FAM199X: variants seen among roughly 807,000 people sequenced by gnomAD.
FAM199X encodes the protein family with sequence similarity 199, X-linked.
A neutral mutation model predicts 22.9 loss-of-function variants in FAM199X; 4 were observed. That is an observed-to-expected ratio of 0.17 (90% confidence interval 0.09 to 0.40). FAM199X has a LOEUF of 0.40. FAM199X is among the 10% of genes least tolerant of loss of function. FAM199X has a pLI of 1.00. For missense variants in FAM199X, 183 were observed against 306.8 expected (o/e 0.60, Z 3.01); for synonymous variants, 101 against 112.3 (o/e 0.90, Z 0.64).
intron 2 of FAM199X, among the ~76,000 whole-genome samples, chrX:104,181,991 C>CTTTTTTTTTTTTTTTT (rs1210118235): frequency 8.5e-5 from 8 of 94,669 alleles, no homozygotes; most frequent in Non-Finnish European, 8.5e-5. Flanking sequence ...TCTTTTTTTT[C>CTTTTTTTTTTTTTTTT]TTTTTTTTTT....
chrX:104,171,171 G>A (rs1223708509), intron 1 of FAM199X, among the ~76,000 whole-genome samples: 1 of 111,093 alleles, frequency 9.0e-6, no homozygotes, highest in Non-Finnish European at 1.9e-5. Context: ...TAATTTTAAC[G>A]TTTAAATGGC....
At chrX:104,179,976 CTTTTTTT>C (rs1162038054) in intron 2 of FAM199X, among the ~76,000 whole-genome samples, 2 of 86,151 alleles carry the variant, frequency 2.3e-5, no homozygotes, top group African/African-American at 4.4e-5. Flanking sequence ...TGAATTTTTC[CTTTTTTT>C]TTTTTTTTTT....
upstream of FAM199X, among the ~76,000 whole-genome samples, chrX:104,165,889 A>G (rs1833259408): frequency 9.0e-6 from 1 of 111,403 alleles, no homozygotes; most frequent in Admixed American, 9.5e-5. Flanking sequence ...AAGGATTAGC[A>G]GGGGAGAAAT....
chrX:104,179,667 C>T (rs1044682799), intron 2 of FAM199X, among the ~76,000 whole-genome samples: 1 of 111,538 alleles, frequency 9.0e-6, no homozygotes, highest in African/African-American at 3.3e-5. Context: ...GCTAGATCTC[C>T]TGTACAGTGT....
chrX:104,183,245 G>A (rs1385738306), intron 2 of FAM199X, among the ~76,000 whole-genome samples: 1 of 109,493 alleles, frequency 9.1e-6, no homozygotes, highest in Non-Finnish European at 1.9e-5. Flanking sequence ...CTGATAAGAA[G>A]TATCTCTTTT....
chrX:104,159,871 A>T, the FAM199X span, among the ~76,000 whole-genome samples: 1 of 112,359 alleles, frequency 8.9e-6, no homozygotes. Flanking sequence ...TGATGAGAGT[A>T]CAAGGGTACC....
At chrX:104,169,937 A>G in intron 1 of FAM199X, among the ~76,000 whole-genome samples, 1 of 112,225 alleles carries the variant, frequency 8.9e-6, no homozygotes, top group Non-Finnish European at 1.9e-5. Context: ...TAGAAAATAC[A>G]TTACATGGAC....
chrX:104,183,470 CTTTTGTTTTTT>C (rs1332054697), intron 2 of FAM199X, among the ~76,000 whole-genome samples: 5 of 109,216 alleles, frequency 4.6e-5, no homozygotes, highest in African/African-American at 1.7e-4. Context: ...GTTTTGTTTT[CTTTTGTTTTTT>C]TTTTTGAGAT....
intron 2 of FAM199X, among the ~76,000 whole-genome samples, chrX:104,183,877 T>C (rs1921727764): frequency 8.9e-6 from 1 of 112,244 alleles, no homozygotes; most frequent in South Asian, 3.7e-4. Flanking sequence ...TAGCTACTTA[T>C]GGGGGTGTAG....
chrX:104,162,749 C>T (rs782538684), upstream of FAM199X, among the ~76,000 whole-genome samples: 1 of 112,084 alleles, frequency 8.9e-6, no homozygotes, highest in Non-Finnish European at 1.9e-5. Context: ...CTAATTCTTA[C>T]ATCTTTCACA....
rs1369727467 is a variant in FAM199X at position 104,195,125 on chromosome X, A to G, written c.*5347A>G. ...TGTATGGTTGTAATTAAAACTGGCA[A>G]TGTGGCAGAGCTGTCTTTTGAAACT... On this transcript the variant is annotated 3_prime_UTR_variant, in exon 6 of 6. Coordinates refer to ENST00000493442, the MANE Select transcript of FAM199X (RefSeq NM_207318.4). 3 of 110,497 alleles carry G rather than the reference A, an allele frequency of 2.7e-5. No individual in the cohort carries two copies. Among genetic ancestry groups the G allele is most frequent in the Non-Finnish European group, 3.8e-5 (2 of 52,910 alleles). The allele number at this position is 110,497 out of a possible 1,213,427, so 9.1% of individuals were successfully genotyped here.
At chrX:104,189,277 A>G (rs1001771911) in intron 5 of FAM199X, among the ~76,000 whole-genome samples, 1 of 111,674 alleles carries the variant, frequency 9.0e-6, no homozygotes, top group Non-Finnish European at 1.9e-5. Context: ...GTCGCCTAGT[A>G]TTAATTATGT....
At chrX:104,188,587 T>C (rs1921859897) in intron 5 of FAM199X, among the ~76,000 whole-genome samples, 1 of 112,201 alleles carries the variant, frequency 8.9e-6, no homozygotes, top group Non-Finnish European at 1.9e-5. Context: ...ATTCTCAAGA[T>C]TGCAATATTG....
Position 104,166,863 on chromosome X carries a change from T to A in FAM199X, c.78T>A (p.Pro26=). The change falls in exon 1 of 6, where the codon CCT becomes CCA. Residue 26 remains proline, a synonymous_variant. Transcript: ENST00000493442. ...AGGAGCCCTTCCCACTCCTGGGACC[T>A]CCTCGCGGGGTGGGCACCTGCCCGA... ...TPEEPFPLLG[P]PRGVGTCPSE... is the part of the protein sequence containing the mutation. 1 of 1,206,239 alleles carries A rather than the reference T, an allele frequency of 8.3e-7. No homozygotes were observed. Among genetic ancestry groups the A allele is most frequent in the Non-Finnish European group, 1.1e-6 (1 of 892,362 alleles).
At position 104,170,752 on chromosome X, in the gene FAM199X, G is replaced by C. The variant is rs1441567239; in HGVS notation, c.197+3770G>C. On this transcript the variant is annotated intron_variant, in intron 1 of 5. Transcript: ENST00000493442. ...GATCATTAGCCTTAGAAATGACATA[G>C]AGTGTTTTTTACTTCCAAGGCAATA... Among the ~76,000 whole-genome samples the C allele has an allele frequency of 5.4e-5, 6 of 111,300 alleles. No individual in the cohort carries two copies. In the East Asian group the frequency reaches 1.7e-3, roughly 31 times the overall value.
rs1922046162 is a variant in FAM199X at position 104,195,745 on chromosome X, G to A, written c.*5967G>A. 2.7e-5 allele frequency: 3 copies of A among 110,516 alleles called. No homozygotes were observed. In the South Asian group the frequency reaches 1.2e-3, roughly 43 times the overall value. 9.1% of individuals were successfully genotyped at this position (110,516 alleles called of 1,213,427 possible). Reference sequence around the variant, plus strand: ...CTTTGCTTTTATTTTTAATTTCTAAGGTTGGAATAGAACTTATTCTCAAAA... The same window carrying A: ...CTTTGCTTTTATTTTTAATTTCTAAAGTTGGAATAGAACTTATTCTCAAAA... On this transcript the variant is annotated 3_prime_UTR_variant, in exon 6 of 6. Coordinates refer to ENST00000493442, the MANE Select transcript of FAM199X (RefSeq NM_207318.4).
At chrX:104,175,933 A>G (rs1053865028) in intron 2 of FAM199X, 91 bp downstream of exon 2, 67 of 607,477 alleles carry the variant, frequency 1.1e-4, no homozygotes, top group Admixed American at 1.4e-4. Context: ...CTTCAAAGTA[A>G]ATTTCTCTAA....
chrX:104,185,578 G>T, intron 2 of FAM199X, among the ~76,000 whole-genome samples: 1 of 111,681 alleles, frequency 9.0e-6, no homozygotes, highest in Admixed American at 9.5e-5. Context: ...CAGAATTAAT[G>T]TCCTCTGATT....
In FAM199X at chrX:104,166,597, C is replaced by G; in HGVS notation, c.-189C>G. ...GGTGGCCGGTGGGCCGCTGTGGCCT[C>G]GAGCAGCCTCTTCGCGCGGCCCCGC... is the stretch of plus-strand genomic sequence containing the variant. On this transcript the variant is annotated 5_prime_UTR_variant, in exon 1 of 6. Coordinates refer to ENST00000493442, the MANE Select transcript of FAM199X (RefSeq NM_207318.4). 2.8e-6 allele frequency: 1 copy of G among 358,310 alleles called. No individual in the cohort carries two copies. The highest frequency in any genetic ancestry group is 4.8e-6 in the Non-Finnish European group (1 of 210,011). 29.5% of individuals were successfully genotyped at this position (358,310 alleles called of 1,213,427 possible). A position where few individuals can be genotyped will look rare whatever the true frequency, so the allele number is the denominator to read the frequency against.
Sources: gnomAD v4.1 joint callset for allele counts (sites outside exome capture counted in the v4.1 genomes callset) on GRCh38, gnomAD v4.1.1 for gene constraint, MANE v1.5 for transcripts, NCBI Gene and HGNC (gene_info 2026-07-23, HGNC 2026-07-21) for gene names.